The following NBAS variants were observed in gnomAD, a reference collection of about 807,000 sequenced individuals.
NBAS encodes the protein NAG/BC035112 fusion.
NBAS carries 219 observed loss-of-function variants against 302.5 expected under a neutral mutation model. That is an observed-to-expected ratio of 0.72 (90% confidence interval 0.65 to 0.81). NBAS has a LOEUF of 0.81. Among genes scored for constraint, NBAS ranks in the 30% least tolerant of loss-of-function variants. NBAS has a pLI of 0.00. For missense variants in NBAS, 2,932 were observed against 2,841.6 expected (o/e 1.03, Z -0.72); for synonymous variants, 1,118 against 1,021.6 (o/e 1.09, Z -1.80).
At chr2:15,278,422 C>T (rs145375821) in intron 42 of NBAS, among the ~76,000 whole-genome samples, 7 of 152,226 alleles carry the variant, frequency 4.6e-5, no homozygotes, top group Non-Finnish European at 8.8e-5. Flanking sequence ...TTATTCGTAA[C>T]GTATTTTAAG....
chr2:15,030,918 T>C, the NBAS span, among the ~76,000 whole-genome samples: 7 of 152,284 alleles, frequency 4.6e-5, no homozygotes, highest in East Asian at 3.9e-4. Flanking sequence ...TGCAAGAGAT[T>C]GTGTGTGGCA....
the NBAS span, among the ~76,000 whole-genome samples, chr2:14,897,989 G>C: frequency 1.3e-5 from 2 of 152,116 alleles, no homozygotes; most frequent in East Asian, 1.9e-4. Flanking sequence ...TGCTGAGGAG[G>C]GTCCCAGTGT....
the NBAS span, among the ~76,000 whole-genome samples, chr2:14,854,521 A>G: frequency 4.3e-4 from 66 of 151,796 alleles, 1 homozygote; most frequent in African/African-American, 1.6e-3. Context: ...TTGCTGAAAA[A>G]GGTGCTGAAG....
intron 49 of NBAS, among the ~76,000 whole-genome samples, chr2:15,189,161 T>C (rs1665225105): frequency 6.6e-6 from 1 of 152,172 alleles, no homozygotes; most frequent in Non-Finnish European, 1.5e-5. Context: ...TTTCAAATAG[T>C]GAAGGTAAAA....
rs1195533701 is a variant in NBAS, at chr2:15,167,033, G to A, written c.*15C>T. 1 of 1,527,728 alleles carries A rather than the reference G, an allele frequency of 6.5e-7. No homozygotes were observed. Among genetic ancestry groups the A allele is most frequent in the Non-Finnish European group, 8.8e-7 (1 of 1,137,232 alleles). The allele number at this position is 1,527,728 out of a possible 1,614,324, so 94.6% of individuals were successfully genotyped here. On this transcript the variant is annotated 3_prime_UTR_variant, in exon 52 of 52. Coordinates refer to ENST00000281513, the MANE Select transcript of NBAS (RefSeq NM_015909.4). ...AGATGCTTTTTCTGCTAAGGAGCAG[G>A]GCCACAGGTGGCCCTCACACCCAGT...
chr2:15,366,256 A>C (rs1453989705), intron 32 of NBAS, among the ~76,000 whole-genome samples: 1 of 152,210 alleles, frequency 6.6e-6, no homozygotes, highest in African/African-American at 2.4e-5. Context: ...GCTCCTGACT[A>C]CACAACCATT....
At chr2:15,239,399 G>GTA (rs374042921) in intron 44 of NBAS, among the ~76,000 whole-genome samples, 12,803 of 133,856 alleles carry the variant, frequency 0.096, 1,074 homozygotes, top group East Asian at 0.28. Context: ...GTGTGTGTGT[G>GTA]TGTATATATA....
intron 32 of NBAS, among the ~76,000 whole-genome samples, chr2:15,360,043 T>G (rs549021538): frequency 2.0e-5 from 3 of 152,116 alleles, no homozygotes; most frequent in Non-Finnish European, 4.4e-5. Flanking sequence ...TGGAATGCAA[T>G]GGTAAGAATT....
At chr2:15,175,368 G>A (rs1050366678) in intron 51 of NBAS, among the ~76,000 whole-genome samples, 2 of 152,144 alleles carry the variant, frequency 1.3e-5, no homozygotes, top group Admixed American at 1.3e-4. Context: ...CAGTACCAAA[G>A]AGGAGGAAGC....
chr2:15,554,172 T>C, intron 3 of NBAS, 34 bp from the exon 4 acceptor site: 4 of 1,564,372 alleles, frequency 2.6e-6, no homozygotes, highest in East Asian at 4.5e-5. Context: ...GCTTAAAATC[T>C]AATCATGAAA....
intron 35 of NBAS, among the ~76,000 whole-genome samples, chr2:15,340,536 T>C (rs1327386605): frequency 1.3e-5 from 2 of 152,246 alleles, no homozygotes; most frequent in East Asian, 3.9e-4. Context: ...CTATAGATGT[T>C]AGGTTGGCAG....
the NBAS span, among the ~76,000 whole-genome samples, chr2:15,052,799 T>C: frequency 1.3e-5 from 2 of 152,204 alleles, no homozygotes; most frequent in Middle Eastern, 3.2e-3. Flanking sequence ...TTAATAGCCT[T>C]AATAGATAAG....
At chr2:15,084,680 G>A in the NBAS span, among the ~76,000 whole-genome samples, 1 of 148,336 alleles carries the variant, frequency 6.7e-6, no homozygotes, top group African/African-American at 2.6e-5. Context: ...ACACCATATC[G>A]GCGGGGCGGG....
At chr2:15,262,704 CTG>C (rs1315089683) in intron 44 of NBAS, among the ~76,000 whole-genome samples, 2 of 152,108 alleles carry the variant, frequency 1.3e-5, no homozygotes, top group Non-Finnish European at 2.9e-5. Flanking sequence ...CCAGATTTTC[CTG>C]TGTCTATGTT....
the NBAS span, among the ~76,000 whole-genome samples, chr2:15,127,430 ATCT>A: frequency 6.6e-6 from 1 of 152,222 alleles, no homozygotes; most frequent in Non-Finnish European, 1.5e-5. Context: ...TGTTACTTTA[ATCT>A]TCTGGCTTCT....
the NBAS span, among the ~76,000 whole-genome samples, chr2:14,802,053 T>C: frequency 6.8e-6 from 1 of 147,780 alleles, no homozygotes; most frequent in Non-Finnish European, 1.5e-5. Flanking sequence ...AATTTTGGCT[T>C]TTGTTGCCAT....
intron 27 of NBAS, 125 bp from the exon 28 acceptor site, chr2:15,394,474 A>G: frequency 2.2e-6 from 2 of 924,872 alleles, no homozygotes; most frequent in Non-Finnish European, 3.3e-6. Context: ...GTGTAATCCA[A>G]TTTTACATAT....
the NBAS span, among the ~76,000 whole-genome samples, chr2:14,865,546 C>T: frequency 2.0e-5 from 3 of 152,260 alleles, no homozygotes; most frequent in Middle Eastern, 6.8e-3. Context: ...AAGAAAATCC[C>T]TTATAATTGT....
intron 12 of NBAS, among the ~76,000 whole-genome samples, chr2:15,479,934 G>A (rs1436850711): frequency 6.6e-6 from 1 of 152,186 alleles, no homozygotes; most frequent in Non-Finnish European, 1.5e-5. Flanking sequence ...CAAATTTTAA[G>A]TCACTGAATT....
Sources: gnomAD v4.1 joint callset for allele counts (sites outside exome capture counted in the v4.1 genomes callset) on GRCh38, gnomAD v4.1.1 for gene constraint, MANE v1.5 for transcripts, NCBI Gene and HGNC (gene_info 2026-07-23, HGNC 2026-07-21) for gene names.